Variants in RNF17 observed in about 807,000 individuals in gnomAD.
The protein encoded by RNF17 is ring finger protein 17.
Under a neutral mutation model 200.5 loss-of-function variants are expected in RNF17, and 31 were observed. The observed-to-expected ratio is 0.15, with a 90% CI of 0.12 to 0.21. The LOEUF is 0.21. RNF17 is among the 10% of genes least tolerant of loss of function. RNF17 has a pLI of 1.00. For missense variants in RNF17, 1,628 were observed against 1,905.1 expected (o/e 0.85, Z 2.71); for synonymous variants, 606 against 637.8 (o/e 0.95, Z 0.75).
chr13:24,883,260 C>G (rs201508087), downstream of RNF17: 2 of 1,613,890 alleles, frequency 1.2e-6, no homozygotes, highest in Non-Finnish European at 1.7e-6. Flanking sequence ...TCTTGATGAC[C>G]GTTTGCATAT....
chr13:24,886,522 G>GA, the RNF17 span: 1 of 452,406 alleles, frequency 2.2e-6, no homozygotes, highest in Non-Finnish European at 4.2e-6. Context: ...ATCAGTCTAG[G>GA]GACTACTGGG....
chr13:24,868,769 G>T, intron 31 of RNF17, 53 bp downstream of exon 31: 4 of 967,464 alleles, frequency 4.1e-6, no homozygotes, highest in Non-Finnish European at 6.7e-6. Context: ...AGCTGTCTTG[G>T]TCTTAAACAC....
intron 34 of RNF17, among the ~76,000 whole-genome samples, chr13:24,878,666 G>A (rs1023616836): frequency 3.3e-5 from 5 of 152,204 alleles, no homozygotes; most frequent in South Asian, 4.1e-4. Flanking sequence ...CCCCACTTAG[G>A]AAGGAAAGGA....
At chr13:24,885,866 A>G in the RNF17 span, 128 of 580,710 alleles carry the variant, frequency 2.2e-4, no homozygotes, top group Non-Finnish European at 3.7e-4. Flanking sequence ...CAAGAAAGAC[A>G]GTATCTTGTC....
chr13:24,770,683 G>A (rs970795434), intron 2 of RNF17, among the ~76,000 whole-genome samples: 1 of 152,116 alleles, frequency 6.6e-6, no homozygotes, highest in African/African-American at 2.4e-5. Flanking sequence ...AACCTTGAAA[G>A]AACATTCTCT....
intron 2 of RNF17, among the ~76,000 whole-genome samples, chr13:24,767,906 A>G (rs1246995038): frequency 1.3e-5 from 2 of 152,166 alleles, no homozygotes; most frequent in African/African-American, 4.8e-5. Flanking sequence ...CGGCCTACAT[A>G]TTTTGATTCT....
At chr13:24,843,435 T>C (rs1053398077) in intron 19 of RNF17, among the ~76,000 whole-genome samples, 1 of 152,148 alleles carries the variant, frequency 6.6e-6, no homozygotes, top group African/African-American at 2.4e-5. Context: ...GGAGAATTGC[T>C]TGAACCTGGG....
At chr13:24,777,661 CACTT>C (rs879705972) in intron 3 of RNF17, among the ~76,000 whole-genome samples, 2 of 152,254 alleles carry the variant, frequency 1.3e-5, no homozygotes, top group South Asian at 2.1e-4. Context: ...TATATATAAA[CACTT>C]ACTTAATTGG....
At chr13:24,824,214 T>C (rs1302080998) in intron 15 of RNF17, 1 of 714,100 alleles carries the variant, frequency 1.4e-6, no homozygotes, top group Non-Finnish European at 2.6e-6. Flanking sequence ...TCTAATAAAG[T>C]TGGTTGAGAC....
chr13:24,750,242 G>A, the RNF17 span, among the ~76,000 whole-genome samples: 1 of 152,172 alleles, frequency 6.6e-6, no homozygotes, highest in Non-Finnish European at 1.5e-5. Flanking sequence ...TGGCCTGTCA[G>A]AGATTTCTTT....
chr13:24,756,597 A>G, the RNF17 span, among the ~76,000 whole-genome samples: 31 of 152,080 alleles, frequency 2.0e-4, no homozygotes, highest in African/African-American at 7.2e-4. Context: ...TCATGGGCAT[A>G]AATCAAACCA....
At chr13:24,803,298 T>G (rs1049826549) in intron 14 of RNF17, among the ~76,000 whole-genome samples, 6 of 152,172 alleles carry the variant, frequency 3.9e-5, no homozygotes, top group African/African-American at 1.4e-4. Flanking sequence ...TGTCCATCAT[T>G]TCTTTTTTGT....
intron 28 of RNF17, among the ~76,000 whole-genome samples, chr13:24,863,238 A>G (rs1298816711): frequency 6.6e-6 from 1 of 152,242 alleles, no homozygotes; most frequent in African/African-American, 2.4e-5. Flanking sequence ...ACAAAGTAAC[A>G]TGCCAAGAGC....
intron 15 of RNF17, among the ~76,000 whole-genome samples, chr13:24,823,449 C>CCAA (rs1017742149): frequency 6.6e-6 from 1 of 150,508 alleles, no homozygotes; most frequent in African/African-American, 2.4e-5. Context: ...CATTCCTTGT[C>CCAA]ATGTATGATC....
the RNF17 span, chr13:24,752,229 C>CTTTTTGTTTT: frequency 0.011 from 1,740 of 156,372 alleles, 45 homozygotes; most frequent in African/African-American, 0.039. Flanking sequence ...TCCTCAAAGG[C>CTTTTTGTTTT]ATCCCATTTT....
downstream of RNF17, among the ~76,000 whole-genome samples, chr13:24,881,983 GATATATAGATACATCTAT>G (rs1566272997): frequency 0.26 from 1,342 of 5,160 alleles, 119 homozygotes; most frequent in South Asian, 0.38. Flanking sequence ...GATACATCTA[GATATATAGATACATCTAT>G]ATAGATATAT....
rs7988795 is a variant in RNF17 at position 24,789,209 on chromosome 13, C to T, written c.784-139C>T. The T allele has an allele frequency of 9.5e-4, 557 of 588,318 alleles. 7 individuals are homozygous for T. The African/African-American group carries it at 9.8e-3, about 10-fold the overall frequency. 36.4% of individuals were successfully genotyped at this position (588,318 alleles called of 1,614,324 possible). A position where few individuals can be genotyped will look rare whatever the true frequency, so the allele number is the denominator to read the frequency against. On this transcript the variant is annotated intron_variant, in intron 7 of 35. Transcript: ENST00000255324. Reference sequence around the variant, plus strand: ...AAAGTCATAAACACTTATTTGTATCCCTTTGAGTGCCCCAAATTGAGCCTG... The same window carrying T: ...AAAGTCATAAACACTTATTTGTATCTCTTTGAGTGCCCCAAATTGAGCCTG...
At chr13:24,854,239 AG>A in intron 25 of RNF17, 95 bp downstream of exon 25, 1 of 895,600 alleles carries the variant, frequency 1.1e-6, no homozygotes, top group Non-Finnish European at 1.7e-6. Flanking sequence ...TATTTTCACA[AG>A]GTTGTTAGGA....
At chr13:24,778,815 C>G (rs373587468) in intron 4 of RNF17, among the ~76,000 whole-genome samples, 22 of 152,262 alleles carry the variant, frequency 1.4e-4, no homozygotes, top group African/African-American at 4.8e-4. Flanking sequence ...TACCTTTTAT[C>G]TACTCCTGAT....
Sources: gnomAD v4.1 joint callset for allele counts (sites outside exome capture counted in the v4.1 genomes callset) on GRCh38, gnomAD v4.1.1 for gene constraint, MANE v1.5 for transcripts, NCBI Gene and HGNC (gene_info 2026-07-23, HGNC 2026-07-21) for gene names.